The following BMPR1B variants were observed in gnomAD, a reference collection of about 807,000 sequenced individuals.
The protein encoded by BMPR1B is bone morphogenetic protein receptor type 1B.
In BMPR1B, 12 loss-of-function variants were observed where a neutral mutation model predicts 59.1. The observed-to-expected ratio is 0.20, with a 90% confidence interval of 0.13 to 0.33. The LOEUF is 0.33. Among genes scored for constraint, BMPR1B ranks in the 10% least tolerant of loss-of-function variants. BMPR1B has a pLI of 1.00. For missense variants in BMPR1B, 550 were observed against 610.9 expected (o/e 0.90, Z 1.05); for synonymous variants, 237 against 207.3 (o/e 1.14, Z -1.23).
intron 2 of BMPR1B, among the ~76,000 whole-genome samples, chr4:94,921,412 A>G (rs1216449278): frequency 1.3e-5 from 2 of 152,270 alleles, no homozygotes; most frequent in African/African-American, 2.4e-5. Context: ...ACAGTTGTGC[A>G]GGCTCTACAG....
chr4:94,886,879 T>C (rs1249959601), intron 2 of BMPR1B, among the ~76,000 whole-genome samples: 1 of 152,062 alleles, frequency 6.6e-6, no homozygotes, highest in Non-Finnish European at 1.5e-5. Context: ...GACCACTGTA[T>C]AGGTCAGATA....
intron 2 of BMPR1B, among the ~76,000 whole-genome samples, chr4:94,992,303 A>G (rs1214251823): frequency 6.6e-6 from 1 of 152,242 alleles, no homozygotes; most frequent in Non-Finnish European, 1.5e-5. Context: ...AGAGAAATGC[A>G]GGATACAGCA....
intron 1 of BMPR1B, among the ~76,000 whole-genome samples, chr4:94,835,567 G>A (rs1216234902): frequency 6.6e-6 from 1 of 152,126 alleles, no homozygotes; most frequent in Non-Finnish European, 1.5e-5. Context: ...TGCAGTGACA[G>A]TCTCTTTGGT....
At chr4:95,080,121 C>G (rs902043758) in intron 3 of BMPR1B, among the ~76,000 whole-genome samples, 1 of 152,090 alleles carries the variant, frequency 6.6e-6, no homozygotes, top group African/African-American at 2.4e-5. Context: ...ATTACGTTTT[C>G]TTAATTCTTT....
chr4:94,978,818 A>T (rs374759941), intron 2 of BMPR1B, among the ~76,000 whole-genome samples: 7 of 152,084 alleles, frequency 4.6e-5, no homozygotes, highest in Admixed American at 3.9e-4. Flanking sequence ...TGGGTAATTT[A>T]TAAAGAAAAA....
chr4:95,080,969 T>C (rs578168300), intron 3 of BMPR1B, among the ~76,000 whole-genome samples: 69 of 152,266 alleles, frequency 4.5e-4, no homozygotes, highest in African/African-American at 1.6e-3. Flanking sequence ...CCAAATCTCA[T>C]CTTGAAATGT....
chr4:94,873,344 G>A (rs1726576991), intron 1 of BMPR1B, among the ~76,000 whole-genome samples: 1 of 150,856 alleles, frequency 6.6e-6, no homozygotes. Context: ...ATCGAATCTT[G>A]TACCCGGATT....
intron 2 of BMPR1B, among the ~76,000 whole-genome samples, chr4:94,916,400 A>G (rs1728485081): frequency 6.6e-6 from 1 of 152,222 alleles, no homozygotes; most frequent in Non-Finnish European, 1.5e-5. Flanking sequence ...TCAAATGGAA[A>G]TGAGGAACTT....
At chr4:94,932,806 A>G (rs1406985581) in intron 2 of BMPR1B, among the ~76,000 whole-genome samples, 2 of 152,120 alleles carry the variant, frequency 1.3e-5, no homozygotes, top group Non-Finnish European at 2.9e-5. Flanking sequence ...GTTGGAGGGT[A>G]TCAGGATTTG....
chr4:94,837,190 C>T lies in BMPR1B; in HGVS notation c.-182-38641C>T, dbSNP rs372023649. ...TGTAGTATAGTTTGAAGTCAGGTAG[C>T]GTGATGCCTCCAGCTTTGTTCTTTT... On this transcript the variant is annotated intron_variant, in intron 1 of 12. Coordinates refer to ENST00000515059, the MANE Select transcript of BMPR1B (RefSeq NM_001203.3). 7.2e-3 allele frequency among the ~76,000 whole-genome samples: 1,059 copies of T among 146,508 alleles called. 19 individuals are homozygous for T. Among genetic ancestry groups the T allele is most frequent in the African/African-American group, 0.025 (972 of 39,266 alleles).
At chr4:94,958,966 G>A (rs911152370) in intron 2 of BMPR1B, among the ~76,000 whole-genome samples, 2 of 152,138 alleles carry the variant, frequency 1.3e-5, no homozygotes, top group Non-Finnish European at 2.9e-5. Context: ...TTTGGAATGA[G>A]CATGGTATAG....
At chr4:94,886,670 A>T (rs191375745) in intron 2 of BMPR1B, among the ~76,000 whole-genome samples, 2 of 152,340 alleles carry the variant, frequency 1.3e-5, no homozygotes, top group Admixed American at 1.3e-4. Flanking sequence ...ATAAATTTCT[A>T]TTCAAAAATA....
At chr4:94,818,420 G>T (rs1314853020) in intron 1 of BMPR1B, among the ~76,000 whole-genome samples, 1 of 152,158 alleles carries the variant, frequency 6.6e-6, no homozygotes, top group Non-Finnish European at 1.5e-5. Flanking sequence ...GTATCTTTCT[G>T]AGGGTTACAC....
At chr4:94,852,654 C>T (rs1436101491) in intron 1 of BMPR1B, among the ~76,000 whole-genome samples, 2 of 152,096 alleles carry the variant, frequency 1.3e-5, no homozygotes, top group Non-Finnish European at 2.9e-5. Flanking sequence ...CAAGCACCCA[C>T]ATTAAAATTA....
chr4:94,887,403 C>CAAAAAA (rs57818132), intron 2 of BMPR1B, among the ~76,000 whole-genome samples: 30 of 54,784 alleles, frequency 5.5e-4, no homozygotes, highest in Non-Finnish European at 7.6e-4. Context: ...CACCCCCCAC[C>CAAAAAA]AAAAAAAAAA....
At position 95,124,052 on chromosome 4, in the gene BMPR1B, T is replaced by C. The variant is rs568176255; in HGVS notation, c.446+146T>C. On this transcript the variant is annotated intron_variant, in intron 7 of 12. Coordinates refer to ENST00000515059, the MANE Select transcript of BMPR1B (RefSeq NM_001203.3). ...AGTTAACTGAAAATGTCTGTTACTG[T>C]TGATAAATATTTGTCCTAATGAAGT... The C allele has an allele frequency of 2.5e-5, 16 of 631,766 alleles. No individual in the cohort carries two copies. The East Asian group carries it at 3.9e-4, about 16-fold the overall frequency. The allele number at this position is 631,766 out of a possible 1,614,324, so 39.1% of individuals were successfully genotyped here.
At chr4:94,891,808 C>T (rs1432370433) in intron 2 of BMPR1B, among the ~76,000 whole-genome samples, 1 of 152,032 alleles carries the variant, frequency 6.6e-6, no homozygotes, top group Non-Finnish European at 1.5e-5. Flanking sequence ...AAACTTCATG[C>T]TTTACAGAGA....
intron 3 of BMPR1B, among the ~76,000 whole-genome samples, chr4:95,102,611 A>AC (rs1730901886): frequency 1.3e-5 from 2 of 152,144 alleles, no homozygotes; most frequent in African/African-American, 4.8e-5. Flanking sequence ...GCTTACCATG[A>AC]CAGGGTGAGA....
At chr4:95,049,814 T>A (rs1726338711) in intron 3 of BMPR1B, among the ~76,000 whole-genome samples, 1 of 151,944 alleles carries the variant, frequency 6.6e-6, no homozygotes, top group African/African-American at 2.4e-5. Flanking sequence ...TTTTTCTTAA[T>A]TATTTCTTAT....
Sources: gnomAD v4.1 joint callset for allele counts (sites outside exome capture counted in the v4.1 genomes callset) on GRCh38, gnomAD v4.1.1 for gene constraint, MANE v1.5 for transcripts, NCBI Gene and HGNC (gene_info 2026-07-23, HGNC 2026-07-21) for gene names.